Variants in SLC7A5 observed in about 807,000 individuals in gnomAD.
SLC7A5 encodes solute carrier family 7 member 5, also known as large neutral amino acids transporter small subunit 1.
In SLC7A5, 23 loss-of-function variants were observed where a neutral mutation model predicts 50.2. The observed-to-expected ratio is 0.46, with a 90% CI of 0.33 to 0.65. The LOEUF is 0.65. Among genes scored for constraint, SLC7A5 ranks in the 30% least tolerant of loss-of-function variants. SLC7A5 has a pLI of 0.02. For synonymous variants in SLC7A5, 393 were observed against 330.6 expected, an observed-to-expected ratio of 1.19 and a Z score of -2.05; for missense variants, 578 against 684.4, an observed-to-expected ratio of 0.84 and a Z score of 1.73.
chr16:87,836,735 G>A (rs1157883097), intron 7 of SLC7A5, 88 bp from the exon 8 acceptor site: 7 of 1,440,514 alleles, frequency 4.9e-6, no homozygotes, highest in Non-Finnish European at 6.8e-6. Flanking sequence ...TGTCCAGCCT[G>A]GCTGGGCCCA....
In SLC7A5 at chr16:87,830,250, C is replaced by G. The variant is rs985678517; in HGVS notation, c.*2720G>C. On this transcript the variant is annotated 3_prime_UTR_variant, in exon 10 of 10. Coordinates refer to ENST00000261622, the MANE Select transcript of SLC7A5 (RefSeq NM_003486.7). ...GGGAGCAGGCATGGCACCTGCGCCACGCAGAGCAGCAAGGCTGAGCATGAC... is the reference window on the plus strand; with the variant it reads ...GGGAGCAGGCATGGCACCTGCGCCAGGCAGAGCAGCAAGGCTGAGCATGAC... 6.6e-6 allele frequency: 1 copy of G among 152,246 alleles called. No individual in the cohort carries two copies. Among genetic ancestry groups the G allele is most frequent in the Admixed American group, 6.5e-5 (1 of 15,286 alleles). The allele number at this position is 152,246 out of a possible 1,614,324, so 9.4% of individuals were successfully genotyped here.
At position 87,869,051 on chromosome 16, in the gene SLC7A5, G is replaced by A; in HGVS notation, c.372C>T (p.Tyr124=). The A allele has an allele frequency of 3.7e-6, 6 of 1,611,912 alleles. No homozygotes were observed. The highest frequency in any genetic ancestry group is 5.1e-6 in the Non-Finnish European group (6 of 1,179,814). ...GGDYAYMLEV[Y]GSLPAFLKLW... is the part of the protein sequence containing the mutation. Reference sequence around the variant, plus strand: ...GCTTGAGGAAGGCGGGCAGCGAGCCGTAGACCTCCAGCATGTAGGCGTAGT... The same window carrying A: ...GCTTGAGGAAGGCGGGCAGCGAGCCATAGACCTCCAGCATGTAGGCGTAGT... Residue 124 remains tyrosine (Y), a synonymous_variant, in exon 1 of 10, where the codon TAC becomes TAT. Transcript: ENST00000261622.
intron 2 of SLC7A5, among the ~76,000 whole-genome samples, chr16:87,848,439 G>A (rs757915559): frequency 1.3e-5 from 2 of 152,224 alleles, no homozygotes; most frequent in Non-Finnish European, 1.5e-5. Context: ...AACAGCCTGC[G>A]AGTGGACTCA....
intron 1 of SLC7A5, among the ~76,000 whole-genome samples, chr16:87,854,268 A>AAC (rs1182538958): frequency 6.6e-6 from 1 of 152,138 alleles, no homozygotes; most frequent in Non-Finnish European, 1.5e-5. Flanking sequence ...ATGGCCATAG[A>AAC]ACAAAGGGGA....
At chr16:87,849,900 A>T (rs1359104070) in intron 2 of SLC7A5, among the ~76,000 whole-genome samples, 2 of 152,148 alleles carry the variant, frequency 1.3e-5, no homozygotes, top group Non-Finnish European at 2.9e-5. Flanking sequence ...TTCCAGAGCC[A>T]CCTGGGAATC....
intron 2 of SLC7A5, among the ~76,000 whole-genome samples, chr16:87,844,145 C>G (rs903081917): frequency 3.3e-5 from 5 of 150,748 alleles, no homozygotes; most frequent in African/African-American, 1.2e-4. Flanking sequence ...GACGCGAGAA[C>G]AGACTCAGCG....
intron 1 of SLC7A5, among the ~76,000 whole-genome samples, chr16:87,868,115 C>CAAAA (rs11372656): frequency 1.2e-5 from 1 of 80,360 alleles, no homozygotes; most frequent in Admixed American, 1.5e-4. Context: ...GACTCAGTGT[C>CAAAA]AAAAAAAAAA....
At position 87,841,598 on chromosome 16, in the gene SLC7A5, T is replaced by C. The variant is rs1311208664; in HGVS notation, c.665-443A>G. 6.6e-6 allele frequency among the ~76,000 whole-genome samples: 1 copy of C among 152,200 alleles called. No homozygotes were observed. The highest frequency in any genetic ancestry group is 2.4e-5 in the African/African-American group (1 of 41,452). On this transcript the variant is annotated intron_variant, in intron 2 of 9. Transcript: ENST00000261622. The surrounding 1 kb of genome is among the most constrained non-coding windows in gnomAD (Gnocchi z 4.8). The stretch of plus-strand genomic sequence containing the variant: ...CCAGAGCCACTAGGGCCCTGCTTCT[T>C]GGGGTGCGAGGAGCTCGGAACAGAC...
intron 2 of SLC7A5, among the ~76,000 whole-genome samples, chr16:87,846,555 T>C (rs973814488): frequency 2.0e-5 from 3 of 152,168 alleles, no homozygotes; most frequent in Non-Finnish European, 2.9e-5. Flanking sequence ...GGGCCTGATC[T>C]GACAGGATCC....
intron 1 of SLC7A5, among the ~76,000 whole-genome samples, chr16:87,867,707 G>A (rs2055480845): frequency 6.6e-6 from 1 of 152,146 alleles, no homozygotes; most frequent in East Asian, 1.9e-4. Flanking sequence ...TGAGATGCAG[G>A]CCGATCCATG....
rs1314656465 is a variant in SLC7A5 at position 87,852,792 on chromosome 16, A to G, written c.539-943T>C. On this transcript the variant is annotated intron_variant, in intron 1 of 9. Transcript: ENST00000261622. This position sits in a 1 kb window ranked among gnomAD's most constrained non-coding sequence, Gnocchi z 4.5. ...TTGCAATATGTGCGCACGCTGAGCCACTATTCAGGGATCTGTGAGCTGGTG... is the reference window on the plus strand; with the variant it reads ...TTGCAATATGTGCGCACGCTGAGCCGCTATTCAGGGATCTGTGAGCTGGTG... Among the ~76,000 whole-genome samples the G allele has an allele frequency of 6.6e-6, 1 of 151,856 alleles. No homozygotes were observed.
At chr16:87,857,137 T>C (rs1176200637) in intron 1 of SLC7A5, among the ~76,000 whole-genome samples, 4 of 152,124 alleles carry the variant, frequency 2.6e-5, no homozygotes, top group African/African-American at 9.7e-5. Flanking sequence ...TCCCTGCCAC[T>C]GCTGGCCAGA....
intron 1 of SLC7A5, among the ~76,000 whole-genome samples, chr16:87,867,961 A>G (rs2055484109): frequency 6.6e-6 from 1 of 151,786 alleles, no homozygotes; most frequent in South Asian, 2.1e-4. Flanking sequence ...TAAAAATACA[A>G]AAAAAATTAC....
chr16:87,843,311 A>G (rs1296759518), intron 2 of SLC7A5, among the ~76,000 whole-genome samples: 1 of 140,094 alleles, frequency 7.1e-6, no homozygotes, highest in African/African-American at 2.6e-5. Context: ...GTCTTCAGTC[A>G]GGAGCCAGAT....
chr16:87,844,297 C>T (rs541353083), intron 2 of SLC7A5, among the ~76,000 whole-genome samples: 77 of 152,344 alleles, frequency 5.1e-4, no homozygotes, highest in African/African-American at 1.6e-3. Flanking sequence ...GCGGCGACCC[C>T]GGCACAGCAG....
rs1386503647 is a variant in SLC7A5, at chr16:87,869,145, CCGCACG to C, written c.272_277del (p.Ala91_Cys92del). On this transcript the variant is annotated inframe_deletion, in exon 1 of 10. Transcript: ENST00000261622. ...GAGCGCGCCCACGATGGAGAAGACG[CCGCACG>C]CGGCCCACACCACCAGCGCCAGCCC... The C allele has an allele frequency of 6.2e-7, 1 of 1,611,766 alleles. No individual in the cohort carries two copies. The highest frequency in any genetic ancestry group is 8.5e-7 in the Non-Finnish European group (1 of 1,179,740).
Position 87,845,927 on chromosome 16 carries a change from C to T in SLC7A5, c.665-4772G>A, listed in dbSNP as rs148443029. Among the ~76,000 whole-genome samples, 540 of 152,308 alleles carry T rather than the reference C, an allele frequency of 3.5e-3. 6 individuals are homozygous for T. Among genetic ancestry groups the T allele is most frequent in the African/African-American group, 0.012 (497 of 41,554 alleles). On this transcript the variant is annotated intron_variant, in intron 2 of 9. Coordinates refer to ENST00000261622, the MANE Select transcript of SLC7A5 (RefSeq NM_003486.7). ...CGTCCTTTGATTCTGTCCCAGCACA[C>T]GGCACCGGCAGAGCCCCAGCTTCCC...
At chr16:87,868,655 A>G (rs1597523778) in intron 1 of SLC7A5, among the ~76,000 whole-genome samples, 1 of 152,188 alleles carries the variant, frequency 6.6e-6, no homozygotes, top group Non-Finnish European at 1.5e-5. Context: ...CAGGGCAGGG[A>G]CCCTGCTGTC....
intron 1 of SLC7A5, among the ~76,000 whole-genome samples, chr16:87,866,091 T>G (rs8056033): frequency 0.19 from 29,012 of 150,418 alleles, 4,038 homozygotes; most frequent in African/African-American, 0.4. Context: ...CTCCACAGGG[T>G]TCTATGGGGG....
Sources: allele counts gnomAD v4.1 joint callset (sites outside exome capture counted in the v4.1 genomes callset), GRCh38; gene constraint gnomAD v4.1.1; non-coding constraint Gnocchi (gnomAD v3.1); transcripts MANE v1.5; gene names NCBI Gene and HGNC (gene_info 2026-07-23, HGNC 2026-07-21).